The following PHTF2 variants were observed in gnomAD, a reference collection of about 807,000 sequenced individuals.
PHTF2 encodes protein PHTF2.
A neutral mutation model predicts 101.2 loss-of-function variants in PHTF2; 60 were observed. That is an observed-to-expected ratio of 0.59 (90% CI 0.48 to 0.73). The LOEUF (loss-of-function observed/expected upper bound fraction) is 0.73. Among genes scored for constraint, PHTF2 ranks in the 30% least tolerant of loss-of-function variants. The pLI is 0.00. For synonymous variants in PHTF2, 311 were observed against 307.3 expected, an observed-to-expected ratio of 1.01 and a Z score of -0.13; for missense variants, 747 against 908.7, an observed-to-expected ratio of 0.82 and a Z score of 2.29.
intron 6 of PHTF2, 76 bp downstream of exon 5, chr7:77,900,856 A>G (rs1189802518): frequency 8.9e-6 from 7 of 789,512 alleles, no homozygotes; most frequent in Non-Finnish European, 1.3e-5. Context: ...AGGTTTAAAT[A>G]TTGTATTAGG....
At chr7:77,838,701 T>C (rs1028120650) in intron 1 of PHTF2, among the ~76,000 whole-genome samples, 16 of 152,194 alleles carry the variant, frequency 1.1e-4, no homozygotes, top group Non-Finnish European at 5.9e-5. Context: ...CCGTGACTTA[T>C]TCAATATTAC....
intron 1 of PHTF2, among the ~76,000 whole-genome samples, chr7:77,807,195 G>A (rs1352650607): frequency 6.6e-6 from 1 of 152,148 alleles, no homozygotes; most frequent in East Asian, 1.9e-4. Context: ...CTATGAATAT[G>A]AGTGTGTAAA....
chr7:77,946,608 C>T (rs1806069570), intron 16 of PHTF2, among the ~76,000 whole-genome samples: 1 of 152,094 alleles, frequency 6.6e-6, no homozygotes, highest in South Asian at 2.1e-4. Context: ...TTTCTATAAA[C>T]CAGAGATCAG....
intron 1 of PHTF2, among the ~76,000 whole-genome samples, chr7:77,810,598 C>T (rs758279054): frequency 1.3e-5 from 2 of 152,124 alleles, no homozygotes; most frequent in African/African-American, 2.4e-5. Context: ...AGTGCAGTGG[C>T]ACAATCTTGG....
chr7:77,950,940 G>T (rs549161561), intron 17 of PHTF2, among the ~76,000 whole-genome samples: 20 of 152,256 alleles, frequency 1.3e-4, no homozygotes, highest in African/African-American at 4.6e-4. Flanking sequence ...CTTTGGTTTG[G>T]GTGTACATTC....
At chr7:77,912,594 C>A (rs1802497473) in intron 9 of PHTF2, among the ~76,000 whole-genome samples, 1 of 151,668 alleles carries the variant, frequency 6.6e-6, no homozygotes. Flanking sequence ...ACACAGATAC[C>A]TAAGCTTTGT....
intron 16 of PHTF2, among the ~76,000 whole-genome samples, chr7:77,946,003 T>C (rs1167706993): frequency 6.6e-6 from 1 of 152,172 alleles, no homozygotes; most frequent in Non-Finnish European, 1.5e-5. Flanking sequence ...GCCAGTACCA[T>C]AGAGCTAGTA....
intron 16 of PHTF2, among the ~76,000 whole-genome samples, chr7:77,947,977 T>C (rs1806225131): frequency 6.6e-6 from 1 of 151,694 alleles, no homozygotes; most frequent in African/African-American, 2.4e-5. Context: ...TAGCTGGGAT[T>C]ACAGGAGTGT....
At chr7:77,885,130 G>A (rs1799726088) in intron 3 of PHTF2, among the ~76,000 whole-genome samples, 1 of 151,948 alleles carries the variant, frequency 6.6e-6, no homozygotes, top group African/African-American at 2.4e-5. Context: ...TGTTGTTGTT[G>A]TTACCTAGGC....
intron 1 of PHTF2, among the ~76,000 whole-genome samples, chr7:77,835,864 A>G (rs552154357): frequency 6.6e-6 from 1 of 152,176 alleles, no homozygotes; most frequent in Non-Finnish European, 1.5e-5. Flanking sequence ...TCACACCTGT[A>G]ATACCAGCAC....
At chr7:77,857,479 G>T (rs540019901) in intron 3 of PHTF2, among the ~76,000 whole-genome samples, 7 of 152,196 alleles carry the variant, frequency 4.6e-5, no homozygotes, top group African/African-American at 1.7e-4. Flanking sequence ...TAAGAGCCCT[G>T]ACTAAAACAT....
chr7:77,921,589 G>T (rs143142677), intron 10 of PHTF2, among the ~76,000 whole-genome samples: 1 of 152,320 alleles, frequency 6.6e-6, no homozygotes, highest in East Asian at 1.9e-4. Context: ...GGCCTGCAAT[G>T]AATGTAGTCC....
intron 18 of PHTF2, among the ~76,000 whole-genome samples, chr7:77,952,961 C>A (rs147579367): frequency 6.6e-5 from 10 of 152,288 alleles, no homozygotes; most frequent in African/African-American, 2.4e-4. Context: ...TTTTGATACA[C>A]TGAACTCCTT....
intron 9 of PHTF2, among the ~76,000 whole-genome samples, chr7:77,914,544 A>G (rs1404218830): frequency 6.6e-6 from 1 of 152,098 alleles, no homozygotes; most frequent in Non-Finnish European, 1.5e-5. Flanking sequence ...GCTTGGAAAG[A>G]TATTCCTAGG....
At chr7:77,854,583 A>C in intron 2 of PHTF2, 1 of 611,824 alleles carries the variant, frequency 1.6e-6, no homozygotes, top group Non-Finnish European at 3.0e-6. Flanking sequence ...ACCCCAGCCC[A>C]GGGCAGGTAC....
chr7:77,886,040 A>G (rs973716288), intron 3 of PHTF2, among the ~76,000 whole-genome samples: 3 of 152,170 alleles, frequency 2.0e-5, no homozygotes, highest in Admixed American at 2.0e-4. Flanking sequence ...GGTGCTTTAA[A>G]TATGTTTGCA....
intron 18 of PHTF2, among the ~76,000 whole-genome samples, chr7:77,952,236 C>A (rs1248593250): frequency 1.3e-5 from 2 of 151,988 alleles, no homozygotes; most frequent in African/African-American, 4.8e-5. Context: ...TCACTGCTTA[C>A]AATATTCATT....
intron 1 of PHTF2, among the ~76,000 whole-genome samples, chr7:77,799,564 G>A (rs971032765): frequency 2.0e-5 from 3 of 152,242 alleles, no homozygotes; most frequent in Admixed American, 2.0e-4. Context: ...GGCCTTAAGG[G>A]ATAGTTCCCG....
At chr7:77,901,316 G>C (rs1801369171) in intron 6 of PHTF2, among the ~76,000 whole-genome samples, 1 of 152,132 alleles carries the variant, frequency 6.6e-6, no homozygotes, top group African/African-American at 2.4e-5. Flanking sequence ...ATGAAGACAA[G>C]AATAGTATTA....
Sources: gnomAD v4.1 joint callset for allele counts (sites outside exome capture counted in the v4.1 genomes callset) on GRCh38, gnomAD v4.1.1 for gene constraint, MANE v1.5 for transcripts, NCBI Gene and HGNC (gene_info 2026-07-23, HGNC 2026-07-21) for gene names.